The following CDHR3 variants were observed in gnomAD, a reference collection of about 807,000 sequenced individuals.
The protein encoded by CDHR3 is cadherin related family member 3, also known as cadherin-related family member 3.
Under a neutral mutation model 86.6 loss-of-function variants are expected in CDHR3, and 79 were observed. That is an observed-to-expected ratio of 0.91 (90% CI 0.76 to 1.10). The LOEUF (loss-of-function observed/expected upper bound fraction) is 1.10, where lower values mean the gene tolerates loss of function less well. CDHR3 is among the 50% of genes least tolerant of loss of function. The pLI is 0.00. For synonymous variants in CDHR3, 421 were observed against 402.4 expected, an observed-to-expected ratio of 1.05 and a Z score of -0.55; for missense variants, 1,081 against 1,077.6, an observed-to-expected ratio of 1.00 and a Z score of -0.04.
intron 6 of CDHR3, among the ~76,000 whole-genome samples, chr7:105,999,357 C>T (rs1267241025): frequency 6.6e-6 from 1 of 152,168 alleles, no homozygotes; most frequent in East Asian, 1.9e-4. Flanking sequence ...CAGTTCCCTT[C>T]GTGGGGATCT....
chr7:105,982,982 CAAAAAA>C (rs57923583), intron 3 of CDHR3, among the ~76,000 whole-genome samples: 2 of 130,646 alleles, frequency 1.5e-5, no homozygotes. Flanking sequence ...GACCCTATCT[CAAAAAA>C]AAAAAAAAAA....
chr7:105,987,777 G>C (rs1031921629), intron 4 of CDHR3, among the ~76,000 whole-genome samples: 2 of 152,198 alleles, frequency 1.3e-5, no homozygotes, highest in African/African-American at 4.8e-5. Context: ...AAATTTCCAA[G>C]TCCCACTCCT....
chr7:105,996,773 A>G (rs569621835), intron 6 of CDHR3, among the ~76,000 whole-genome samples: 61 of 152,136 alleles, frequency 4.0e-4, no homozygotes, highest in African/African-American at 1.3e-3. Context: ...GGAGAGGGCT[A>G]TTTTCACGGT....
At chr7:105,998,598 C>T (rs1238137665) in intron 6 of CDHR3, among the ~76,000 whole-genome samples, 2 of 152,066 alleles carry the variant, frequency 1.3e-5, no homozygotes, top group Non-Finnish European at 2.9e-5. Flanking sequence ...TCGAGACCAG[C>T]CTGACCAACA....
At chr7:106,001,293 A>G (rs577763151) in intron 6 of CDHR3, among the ~76,000 whole-genome samples, 169 bp from the exon 7 acceptor site, 29 of 152,292 alleles carry the variant, frequency 1.9e-4, no homozygotes, top group Admixed American at 1.0e-3. Context: ...CTTTGGGGAT[A>G]CAAAAGCCAG....
In CDHR3 at chr7:106,018,346, C is replaced by G. The variant is rs149556490; in HGVS notation, c.1653+274C>G. Among the ~76,000 whole-genome samples, 307 of 152,330 alleles carry G rather than the reference C, an allele frequency of 2.0e-3. 1 individual carries two copies. The highest frequency in any genetic ancestry group is 3.5e-3 in the Non-Finnish European group (239 of 68,032). ...CCACCTCCTGGGCTTAAGCGATTCT[C>G]GTGCCTCAGCCTCTCAAGTAGCTGG... On this transcript the variant is annotated intron_variant, in intron 12 of 18. Transcript: ENST00000317716.
Position 106,035,358 on chromosome 7 carries a change from C to T in CDHR3, c.*2661C>T, listed in dbSNP as rs1383960864. On this transcript the variant is annotated 3_prime_UTR_variant, in exon 19 of 19. Transcript: ENST00000317716. ...AAGAGTGCGCCAGGAGGAGAGAACA[C>T]CTGCTGCCCCGTTTCTTTTGTATAT... Among the ~76,000 whole-genome samples, 3 of 152,162 alleles carry T rather than the reference C, an allele frequency of 2.0e-5. No homozygotes were observed. The highest frequency in any genetic ancestry group is 2.9e-5 in the Non-Finnish European group (2 of 68,042).
intron 8 of CDHR3, among the ~76,000 whole-genome samples, chr7:106,011,745 C>T (rs1834841616): frequency 6.6e-6 from 1 of 152,190 alleles, no homozygotes; most frequent in Non-Finnish European, 1.5e-5. Flanking sequence ...ATGGAAGTCT[C>T]AAGGTGTTCA....
At chr7:106,001,249 C>T (rs1001616578) in intron 6 of CDHR3, among the ~76,000 whole-genome samples, 5 of 152,168 alleles carry the variant, frequency 3.3e-5, no homozygotes, top group Non-Finnish European at 7.4e-5. Context: ...GCAATGACAG[C>T]GTGGTACTTT....
At position 106,005,296 on chromosome 7, in the gene CDHR3, C is replaced by T. The variant is rs960612346; in HGVS notation, c.1052+609C>T. ...ATATTTTGACTCATTCTTTGTCCTA[C>T]AATCTATTTGCTATTATTTTACAAT... On this transcript the variant is annotated intron_variant, in intron 8 of 18. Coordinates refer to ENST00000317716, the MANE Select transcript of CDHR3 (RefSeq NM_152750.5). Among the ~76,000 whole-genome samples, 5 of 152,224 alleles carry T rather than the reference C, an allele frequency of 3.3e-5. No homozygotes were observed. The East Asian group carries it at 9.6e-4, about 29-fold the overall frequency.
At chr7:105,971,803 C>T (rs1051980477) in intron 1 of CDHR3, among the ~76,000 whole-genome samples, 1 of 152,118 alleles carries the variant, frequency 6.6e-6, no homozygotes, top group African/African-American at 2.4e-5. Flanking sequence ...GTCCCTTCTA[C>T]CTGAGCTCAC....
At chr7:106,031,388 G>C (rs1399643284) in intron 18 of CDHR3, among the ~76,000 whole-genome samples, 1 of 152,212 alleles carries the variant, frequency 6.6e-6, no homozygotes, top group African/African-American at 2.4e-5. Flanking sequence ...CGTGAAATCA[G>C]CTCCAAATTT....
At chr7:106,022,582 C>A in intron 14 of CDHR3, 134 bp downstream of exon 14, 1 of 1,324,058 alleles carries the variant, frequency 7.6e-7, no homozygotes, top group South Asian at 1.4e-5. Context: ...AAAATGGCAA[C>A]CATGGGCTGG....
chr7:106,029,548 GTCTCTC>G (rs59823993), intron 17 of CDHR3, among the ~76,000 whole-genome samples: 46 of 147,174 alleles, frequency 3.1e-4, no homozygotes, highest in Admixed American at 1.1e-3. Context: ...CTCCACCTCT[GTCTCTC>G]TCTCTCTCTC....
intron 1 of CDHR3, 46 bp from the exon 2 acceptor site, chr7:105,974,797 CA>C: frequency 1.3e-6 from 2 of 1,516,786 alleles, no homozygotes; most frequent in Non-Finnish European, 1.8e-6. Flanking sequence ...CTGTTCCCAG[CA>C]AAAGGCTTTG....
chr7:106,017,091 A>T (rs1005074528), intron 11 of CDHR3, among the ~76,000 whole-genome samples: 1 of 152,246 alleles, frequency 6.6e-6, no homozygotes, highest in Non-Finnish European at 1.5e-5. Context: ...TCAATTACTA[A>T]ATTCTTTAAC....
intron 7 of CDHR3, among the ~76,000 whole-genome samples, chr7:106,003,827 C>T (rs1313292137): frequency 6.6e-6 from 1 of 152,038 alleles, no homozygotes. Flanking sequence ...GATGCCCTGT[C>T]AGCTGATAGT....
At chr7:105,986,430 G>T (rs184909890) in intron 4 of CDHR3, among the ~76,000 whole-genome samples, 8 of 152,320 alleles carry the variant, frequency 5.3e-5, no homozygotes, top group Admixed American at 2.6e-4. Context: ...ACATTCATGC[G>T]TAGGGGAGAA....
chr7:106,005,015 G>A (rs1190999928), intron 8 of CDHR3, among the ~76,000 whole-genome samples: 4 of 152,192 alleles, frequency 2.6e-5, no homozygotes, highest in Non-Finnish European at 5.9e-5. Context: ...CCTGGACTGT[G>A]CCTGTTCTTT....
Sources: gnomAD v4.1 joint callset for allele counts (sites outside exome capture counted in the v4.1 genomes callset) on GRCh38, gnomAD v4.1.1 for gene constraint, MANE v1.5 for transcripts, NCBI Gene and HGNC (gene_info 2026-07-23, HGNC 2026-07-21) for gene names.